The following CA10 variants were observed in gnomAD, a reference collection of about 807,000 sequenced individuals.
The protein encoded by CA10 is carbonic anhydrase 10 (inactive), also known as carbonic anhydrase-related protein 10.
In CA10, 14 loss-of-function variants were observed where a neutral mutation model predicts 44.2. The ratio of observed to expected loss-of-function variants is 0.32; its 90% confidence interval spans 0.21 to 0.50. The LOEUF (loss-of-function observed/expected upper bound fraction) is 0.50, where lower values mean the gene tolerates loss of function less well. Ranked by LOEUF, CA10 falls within the 20% of genes least tolerant of loss-of-function variation. CA10 has a pLI of 0.99. For missense variants in CA10, 350 were observed against 409.7 expected, an observed-to-expected ratio of 0.85 and a Z score of 1.26; for synonymous variants, 159 against 141.6, an observed-to-expected ratio of 1.12 and a Z score of -0.87.
intron 4 of CA10, among the ~76,000 whole-genome samples, chr17:51,671,399 TTTTTTG>T (rs906422525): frequency 1.3e-4 from 11 of 84,956 alleles, no homozygotes; most frequent in African/African-American, 4.2e-4. Flanking sequence ...TTGGGTCATT[TTTTTTG>T]TTTTTGTTTT....
chr17:51,948,436 T>C (rs1313062824), intron 2 of CA10, among the ~76,000 whole-genome samples: 3 of 152,124 alleles, frequency 2.0e-5, no homozygotes, highest in African/African-American at 7.2e-5. Flanking sequence ...TCATAACCCC[T>C]TGGACACACC....
chr17:52,048,512 A>G (rs1023438684), intron 2 of CA10, among the ~76,000 whole-genome samples: 2 of 152,078 alleles, frequency 1.3e-5, no homozygotes, highest in Non-Finnish European at 2.9e-5. Flanking sequence ...TAAAGAGTAC[A>G]AAGAAAGTTT....
intron 2 of CA10, among the ~76,000 whole-genome samples, chr17:51,988,084 G>A (rs1275382007): frequency 1.3e-5 from 2 of 152,038 alleles, no homozygotes; most frequent in Admixed American, 1.3e-4. Flanking sequence ...TAAGGGAAAT[G>A]AGGGAAGAAT....
At chr17:51,988,317 G>A (rs1412452818) in intron 2 of CA10, among the ~76,000 whole-genome samples, 1 of 151,960 alleles carries the variant, frequency 6.6e-6, no homozygotes, top group Non-Finnish European at 1.5e-5. Flanking sequence ...GGAAGATGAA[G>A]AGAAATAAGG....
chr17:51,914,554 G>C (rs1011017601), intron 3 of CA10, among the ~76,000 whole-genome samples: 3 of 152,072 alleles, frequency 2.0e-5, no homozygotes, highest in African/African-American at 7.2e-5. Flanking sequence ...TATAGTGCTA[G>C]AGCCAAAACA....
rs1347610474 is a variant in CA10, at chr17:51,649,264, A to C, written c.562-10T>G. On this transcript the variant is annotated splice_polypyrimidine_tract_variant and intron_variant, in intron 5 of 8. Transcript: ENST00000451037. Reference sequence around the variant, plus strand: ...TTGATGAATCAGAAACCTGGAGGAGAAAAGAAAATATTAATGACTGGGCAT... The same window carrying C: ...TTGATGAATCAGAAACCTGGAGGAGCAAAGAAAATATTAATGACTGGGCAT... 1.3e-6 allele frequency: 2 copies of C among 1,594,688 alleles called. No individual in the cohort carries two copies. The highest frequency in any genetic ancestry group is 2.2e-5 in the South Asian group (2 of 90,664).
intron 2 of CA10, among the ~76,000 whole-genome samples, chr17:51,969,824 A>AAC (rs1984215538): frequency 6.6e-6 from 1 of 151,998 alleles, no homozygotes; most frequent in Non-Finnish European, 1.5e-5. Flanking sequence ...GGCAGAGGCA[A>AAC]ACAGTACTAA....
At chr17:51,796,451 T>C (rs940172587) in intron 3 of CA10, among the ~76,000 whole-genome samples, 2 of 152,178 alleles carry the variant, frequency 1.3e-5, no homozygotes, top group African/African-American at 2.4e-5. Context: ...TTCTAGGCCA[T>C]TGTGCAGAGA....
intron 3 of CA10, among the ~76,000 whole-genome samples, chr17:51,831,275 A>G (rs1272601129): frequency 6.6e-6 from 1 of 152,224 alleles, no homozygotes; most frequent in South Asian, 2.1e-4. Flanking sequence ...GAGAGTCTGC[A>G]AGTCCCCTAA....
rs753492453 is a variant in CA10 at position 51,958,009 on chromosome 17, G to A, written c.137-26877C>T. 3.9e-5 allele frequency among the ~76,000 whole-genome samples: 6 copies of A among 151,924 alleles called. No homozygotes were observed. The South Asian group carries it at 6.2e-4, about 16-fold the overall frequency. On this transcript the variant is annotated intron_variant, in intron 2 of 8. Transcript: ENST00000451037. Reference sequence around the variant, plus strand: ...TCAGCACAGTCTGACAAATAGTCTCGTAAATTGTGCATGCCTCTGTGTCCT... The same window carrying A: ...TCAGCACAGTCTGACAAATAGTCTCATAAATTGTGCATGCCTCTGTGTCCT...
chr17:51,841,665 A>G (rs1045306177), intron 3 of CA10, among the ~76,000 whole-genome samples: 1 of 152,204 alleles, frequency 6.6e-6, no homozygotes, highest in African/African-American at 2.4e-5. Context: ...CCTCCAAGCA[A>G]AGCACACAGT....
rs957804905 is a variant in CA10 at position 52,051,457 on chromosome 17, A to C, written c.136+20862T>G. 5.9e-5 allele frequency among the ~76,000 whole-genome samples: 9 copies of C among 152,128 alleles called. No individual in the cohort carries two copies. In the South Asian group the frequency reaches 6.2e-4, roughly 11 times the overall value. The stretch of plus-strand genomic sequence containing the variant: ...ATAACTTAAATTCACAAGAAAAAAA[A>C]AAAACTCCATGAAGAAGCGGGCAAA... On this transcript the variant is annotated intron_variant, in intron 2 of 8. Coordinates refer to ENST00000451037, the MANE Select transcript of CA10 (RefSeq NM_020178.5).
At chr17:51,633,376 T>C (rs1912674545) in intron 8 of CA10, 100 bp downstream of exon 8, 1 of 1,161,184 alleles carries the variant, frequency 8.6e-7, no homozygotes, top group Non-Finnish European at 1.2e-6. Context: ...ACAGTCATCA[T>C]TCCTATAATG....
At chr17:51,701,667 C>T (rs527892489) in intron 4 of CA10, among the ~76,000 whole-genome samples, 2 of 152,164 alleles carry the variant, frequency 1.3e-5, no homozygotes, top group South Asian at 4.2e-4. Context: ...TAATAGTTAA[C>T]TCTCAATTAT....
chr17:52,024,046 G>T (rs930054061), intron 2 of CA10, among the ~76,000 whole-genome samples: 1 of 152,008 alleles, frequency 6.6e-6, no homozygotes, highest in African/African-American at 2.4e-5. Flanking sequence ...TTATCTCAGC[G>T]AACATGACTC....
At chr17:52,124,458 T>G (rs1989076538) in intron 1 of CA10, among the ~76,000 whole-genome samples, 1 of 152,230 alleles carries the variant, frequency 6.6e-6, no homozygotes, top group South Asian at 2.1e-4. Context: ...GTATACAGCA[T>G]GCAGTTGCTC....
Position 51,977,195 on chromosome 17 carries a change from G to A in CA10, c.137-46063C>T, listed in dbSNP as rs1374237174. ...CTTCGCATTTTATTTTATGAAAATA[G>A]CATATCTTTGATACCAAATCCAGAC... On this transcript the variant is annotated intron_variant, in intron 2 of 8. Coordinates refer to ENST00000451037, the MANE Select transcript of CA10 (RefSeq NM_020178.5). Among the ~76,000 whole-genome samples the A allele has an allele frequency of 5.9e-5, 9 of 151,790 alleles. No homozygotes were observed. The South Asian group carries it at 8.3e-4, about 14-fold the overall frequency.
intron 3 of CA10, among the ~76,000 whole-genome samples, chr17:51,861,778 A>G (rs1979321220): frequency 1.3e-5 from 2 of 152,228 alleles, no homozygotes; most frequent in African/African-American, 4.8e-5. Flanking sequence ...AGTGTGAACA[A>G]TGAATACATA....
chr17:52,068,967 C>A (rs536118604), intron 2 of CA10, among the ~76,000 whole-genome samples: 4 of 152,152 alleles, frequency 2.6e-5, no homozygotes, highest in African/African-American at 7.2e-5. Flanking sequence ...ATGTCTACAG[C>A]GTAAGCCGAT....
Sources: allele counts gnomAD v4.1 joint callset (sites outside exome capture counted in the v4.1 genomes callset), GRCh38; gene constraint gnomAD v4.1.1; transcripts MANE v1.5; gene names NCBI Gene and HGNC (gene_info 2026-07-23, HGNC 2026-07-21).